The following AGAP1 variants were observed in gnomAD, a reference collection of about 807,000 sequenced individuals.
AGAP1 encodes the protein arf-GAP with GTPase, ANK repeat and PH domain-containing protein 1.
A neutral mutation model predicts 105.3 loss-of-function variants in AGAP1; 29 were observed. The observed-to-expected ratio is 0.28, with a 90% confidence interval of 0.21 to 0.38. AGAP1 has a LOEUF of 0.38. Among genes scored for constraint, AGAP1 ranks in the 10% least tolerant of loss-of-function variants. The pLI is 1.00. For synonymous variants in AGAP1, 509 were observed against 485.9 expected (o/e 1.05, Z -0.63); for missense variants, 998 against 1,165.1 (o/e 0.86, Z 2.09).
chr2:235,584,253 T>A (rs1283108684), intron 1 of AGAP1, among the ~76,000 whole-genome samples: 1 of 150,990 alleles, frequency 6.6e-6, no homozygotes, highest in East Asian at 1.9e-4. Context: ...AAAGCCTGTG[T>A]CCTGGCCTGT....
chr2:236,110,520 G>A (rs895917174), intron 16 of AGAP1, among the ~76,000 whole-genome samples: 28 of 152,040 alleles, frequency 1.8e-4, no homozygotes, highest in Non-Finnish European at 3.1e-4. Context: ...CTATGATTGC[G>A]CCACTGCACT....
At chr2:236,091,836 G>T (rs944944330) in intron 16 of AGAP1, among the ~76,000 whole-genome samples, 3 of 152,200 alleles carry the variant, frequency 2.0e-5, no homozygotes, top group African/African-American at 7.2e-5. Context: ...TAGTGGCGTT[G>T]TTCGTAAGAG....
In AGAP1 at chr2:235,963,970, C is replaced by T. The variant is rs1185096618; in HGVS notation, c.1484-4492C>T. Among the ~76,000 whole-genome samples the T allele has an allele frequency of 2.6e-5, 4 of 152,096 alleles. No homozygotes were observed. The highest frequency in any genetic ancestry group is 5.9e-5 in the Non-Finnish European group (4 of 68,022). ...ACTCATAAAAACAACCGCTGGATAA[C>T]GGAAGAGAGTTTATGATATAATGCA... On this transcript the variant is annotated intron_variant, in intron 12 of 17. Transcript: ENST00000304032. This position sits in a 1 kb window ranked among gnomAD's most constrained non-coding sequence, Gnocchi z 5.1.
In AGAP1 at chr2:235,919,998, G is replaced by A. The variant is rs1254164154; in HGVS notation, c.1325-10767G>A. On this transcript the variant is annotated intron_variant, in intron 11 of 17. Coordinates refer to ENST00000304032, the MANE Select transcript of AGAP1 (RefSeq NM_001037131.3). The surrounding 1 kb of genome is among the most constrained non-coding windows in gnomAD (Gnocchi z 4.1). ...TCAGCAGATAAAAATGGCAAAATGAGAATGGCACACATTGTTTTGCAAAGG... is the reference window on the plus strand; with the variant it reads ...TCAGCAGATAAAAATGGCAAAATGAAAATGGCACACATTGTTTTGCAAAGG... Among the ~76,000 whole-genome samples, 1 of 152,148 alleles carries A rather than the reference G, an allele frequency of 6.6e-6. No homozygotes were observed. The highest frequency in any genetic ancestry group is 2.4e-5 in the African/African-American group (1 of 41,424).
At chr2:235,715,233 A>ATCGACCCATCT (rs1951041382) in intron 2 of AGAP1, among the ~76,000 whole-genome samples, 1 of 151,990 alleles carries the variant, frequency 6.6e-6, no homozygotes, top group Non-Finnish European at 1.5e-5. Flanking sequence ...CCATCTATCC[A>ATCGACCCATCT]TCGACCCATC....
chr2:236,000,529 A>AC lies in AGAP1; in HGVS notation c.1645+31912dup, dbSNP rs1369217028. ...GTTGATGGTGGGGTGTGCATCCCCC[A>AC]CCCCCCAAGCCTGTTCCTAGAAGGC... On this transcript the variant is annotated intron_variant, in intron 13 of 17. Transcript: ENST00000304032. This position sits in a 1 kb window ranked among gnomAD's most constrained non-coding sequence, Gnocchi z 4.3. Among the ~76,000 whole-genome samples the AC allele has an allele frequency of 2.7e-5, 4 of 150,162 alleles. No homozygotes were observed. The East Asian group carries it at 5.9e-4, about 22-fold the overall frequency.
rs1404755058 is a variant in AGAP1, at chr2:236,061,271, C to CA, written c.2114+11991dup. 6.6e-5 allele frequency among the ~76,000 whole-genome samples: 10 copies of CA among 152,228 alleles called. No individual in the cohort carries two copies. Among genetic ancestry groups the CA allele is most frequent in the African/African-American group, 1.9e-4 (8 of 41,534 alleles). Reference sequence around the variant, plus strand: ...AGGAACGTGGAGACACTGGTGCAGCCACTTGGGAAGATAGTCTGGCACTTC... The same window carrying CA: ...AGGAACGTGGAGACACTGGTGCAGCCAACTTGGGAAGATAGTCTGGCACTTC... On this transcript the variant is annotated intron_variant, in intron 16 of 17. Coordinates refer to ENST00000304032, the MANE Select transcript of AGAP1 (RefSeq NM_001037131.3). This position sits in a 1 kb window ranked among gnomAD's most constrained non-coding sequence, Gnocchi z 4.1.
At position 236,080,820 on chromosome 2, in the gene AGAP1, C is replaced by A. The variant is rs2058761170; in HGVS notation, c.2114+31539C>A. Reference sequence around the variant, plus strand: ...CTTGGTGGCCTTGCATCCCCTCTGACCTGTTTCTGTCCTCACATCTTCTGA... The same window carrying A: ...CTTGGTGGCCTTGCATCCCCTCTGAACTGTTTCTGTCCTCACATCTTCTGA... On this transcript the variant is annotated intron_variant, in intron 16 of 17. Transcript: ENST00000304032. The surrounding 1 kb of genome is among the most constrained non-coding windows in gnomAD (Gnocchi z 4.2). Among the ~76,000 whole-genome samples the A allele has an allele frequency of 6.6e-6, 1 of 152,248 alleles. No homozygotes were observed. The highest frequency in any genetic ancestry group is 6.5e-5 in the Admixed American group (1 of 15,292).
chr2:235,915,886 A>C (rs2051854551), intron 11 of AGAP1, among the ~76,000 whole-genome samples: 1 of 152,202 alleles, frequency 6.6e-6, no homozygotes, highest in African/African-American at 2.4e-5. Flanking sequence ...CTCTGCAAAA[A>C]TACAAATAAA....
At position 235,725,174 on chromosome 2, in the gene AGAP1, C is replaced by T. The variant is rs559006652; in HGVS notation, c.310+7530C>T. ...CCTCCAGGGCCAGCTGGCTGTACAGCCACCTGCAAGTCTTTGTTCCCGGGG... is the reference window on the plus strand; with the variant it reads ...CCTCCAGGGCCAGCTGGCTGTACAGTCACCTGCAAGTCTTTGTTCCCGGGG... On this transcript the variant is annotated intron_variant, in intron 3 of 17. Transcript: ENST00000304032. The surrounding 1 kb of genome is among the most constrained non-coding windows in gnomAD (Gnocchi z 5.7). Among the ~76,000 whole-genome samples, 1 of 152,280 alleles carries T rather than the reference C, an allele frequency of 6.6e-6. No homozygotes were observed. Among genetic ancestry groups the T allele is most frequent in the African/African-American group, 2.4e-5 (1 of 41,566 alleles).
In AGAP1 at chr2:235,777,609, A is replaced by C. The variant is rs553587009; in HGVS notation, c.674-20150A>C. Among the ~76,000 whole-genome samples, 2 of 152,020 alleles carry C rather than the reference A, an allele frequency of 1.3e-5. No individual in the cohort carries two copies. The highest frequency in any genetic ancestry group is 4.8e-5 in the African/African-American group (2 of 41,388). ...CAGCTGTCTCACCTGCACCCCTCCA[A>C]TCGCCTTCTCAGAATCCGACGCTGG... On this transcript the variant is annotated intron_variant, in intron 6 of 17. Transcript: ENST00000304032. The surrounding 1 kb of genome is among the most constrained non-coding windows in gnomAD (Gnocchi z 5.1).
In AGAP1 at chr2:236,078,403, C is replaced by T. The variant is rs1175378442; in HGVS notation, c.2114+29122C>T. Among the ~76,000 whole-genome samples the T allele has an allele frequency of 6.6e-6, 1 of 152,108 alleles. No homozygotes were observed. Among genetic ancestry groups the T allele is most frequent in the Non-Finnish European group, 1.5e-5 (1 of 68,026 alleles). On this transcript the variant is annotated intron_variant, in intron 16 of 17. Coordinates refer to ENST00000304032, the MANE Select transcript of AGAP1 (RefSeq NM_001037131.3). The surrounding 1 kb of genome is among the most constrained non-coding windows in gnomAD (Gnocchi z 5.3). ...AAGTGACATCTACAAAAGGCCTTCA[C>T]AGCAATGCATAGGTTGTGTGTGATG...
At chr2:235,634,020 C>T (rs1438878066) in intron 1 of AGAP1, among the ~76,000 whole-genome samples, 1 of 152,188 alleles carries the variant, frequency 6.6e-6, no homozygotes, top group African/African-American at 2.4e-5. Context: ...CCCAGCAAGC[C>T]CCCCGCCGCA....
rs1946036736 is a variant in AGAP1, at chr2:235,608,893, C to A, written c.164-100286C>A. Reference sequence around the variant, plus strand: ...GCATGACCCACTTTTGACCGTAAAACCTTTCAGCTTGTTCTTGACTTCCCC... The same window carrying A: ...GCATGACCCACTTTTGACCGTAAAAACTTTCAGCTTGTTCTTGACTTCCCC... On this transcript the variant is annotated intron_variant, in intron 1 of 17. Coordinates refer to ENST00000304032, the MANE Select transcript of AGAP1 (RefSeq NM_001037131.3). The surrounding 1 kb of genome is among the most constrained non-coding windows in gnomAD (Gnocchi z 5.4). Among the ~76,000 whole-genome samples the A allele has an allele frequency of 6.6e-6, 1 of 152,088 alleles. No homozygotes were observed. Among genetic ancestry groups the A allele is most frequent in the African/African-American group, 2.4e-5 (1 of 41,394 alleles).
Position 235,643,352 on chromosome 2 carries a change from A to G in AGAP1, c.164-65827A>G, listed in dbSNP as rs188164324. ...AGACTGAGGCAGGAGAATTGCTTGA[A>G]CCTGGGAGGCGGAGGTTGCAGTGAG... On this transcript the variant is annotated intron_variant, in intron 1 of 17. Coordinates refer to ENST00000304032, the MANE Select transcript of AGAP1 (RefSeq NM_001037131.3). 7.4e-4 allele frequency among the ~76,000 whole-genome samples: 104 copies of G among 140,764 alleles called. 1 individual carries two copies. Among genetic ancestry groups the G allele is most frequent in the African/African-American group, 2.7e-3 (100 of 37,200 alleles). 92.3% of individuals were successfully genotyped at this position (140,764 alleles called of 152,430 possible). A position where few individuals can be genotyped will look rare whatever the true frequency, so the allele number is the denominator to read the frequency against.
At position 235,571,301 on chromosome 2, in the gene AGAP1, T is replaced by C. The variant is rs907054936; in HGVS notation, c.163+76452T>C. ...GGATTCACACCATATCAGTGTCTTA[T>C]GCATAGTAAAACATTTTATGAATGA... On this transcript the variant is annotated intron_variant, in intron 1 of 17. Transcript: ENST00000304032. 5.3e-5 allele frequency among the ~76,000 whole-genome samples: 8 copies of C among 152,250 alleles called. No homozygotes were observed. In the South Asian group the frequency reaches 1.0e-3, roughly 20 times the overall value.
intron 10 of AGAP1, among the ~76,000 whole-genome samples, chr2:235,896,594 G>C (rs1575724511): frequency 6.6e-6 from 1 of 152,192 alleles, no homozygotes; most frequent in African/African-American, 2.4e-5. Flanking sequence ...GAAGCCATGT[G>C]ATAAGAAGAA....
chr2:235,617,658 C>G (rs567227579), intron 1 of AGAP1, among the ~76,000 whole-genome samples: 3 of 152,136 alleles, frequency 2.0e-5, no homozygotes, highest in Non-Finnish European at 4.4e-5. Context: ...GCCGAGATCC[C>G]GCCACTGCAC....
chr2:235,751,179 G>T lies in AGAP1; in HGVS notation c.673+691G>T, dbSNP rs1336885128. On this transcript the variant is annotated intron_variant, in intron 6 of 17. Transcript: ENST00000304032. The surrounding 1 kb of genome is among the most constrained non-coding windows in gnomAD (Gnocchi z 5.3). Reference sequence around the variant, plus strand: ...GAGAGGAGCCTGTGCAGATGCGTGGGGTGGGCGGGAGAGGTGGCGTCACCC... The same window carrying T: ...GAGAGGAGCCTGTGCAGATGCGTGGTGTGGGCGGGAGAGGTGGCGTCACCC... 3.5e-4 allele frequency among the ~76,000 whole-genome samples: 54 copies of T among 152,204 alleles called. 1 individual carries two copies. The highest frequency in any genetic ancestry group is 2.9e-5 in the Non-Finnish European group (2 of 68,040).
Sources: gnomAD v4.1 joint callset for allele counts (sites outside exome capture counted in the v4.1 genomes callset) on GRCh38, gnomAD v4.1.1 for gene constraint, Gnocchi (gnomAD v3.1) non-coding constraint, MANE v1.5 for transcripts, NCBI Gene and HGNC (gene_info 2026-07-23, HGNC 2026-07-21) for gene names.